The following STX16 variants were observed in gnomAD, a reference collection of about 807,000 sequenced individuals.
STX16 encodes syntaxin 16.
Under a neutral mutation model 42.7 loss-of-function variants are expected in STX16, and 28 were observed. The observed-to-expected ratio is 0.66, with a 90% CI of 0.49 to 0.90. The LOEUF (loss-of-function observed/expected upper bound fraction) is 0.90. STX16 is among the 40% of genes least tolerant of loss of function. The pLI, the probability that STX16 is intolerant of heterozygous loss-of-function variation, is 0.00. For missense variants in STX16, 361 were observed against 420.9 expected (o/e 0.86, Z 1.24); for synonymous variants, 156 against 155.2 (o/e 1.00, Z -0.04).
In STX16 at chr20:58,670,546, T is replaced by A; in HGVS notation, c.591T>A (p.Phe197Leu). 2 of 1,614,184 alleles carry A rather than the reference T, an allele frequency of 1.2e-6. No homozygotes were observed. The highest frequency in any genetic ancestry group is 1.7e-5 in the Admixed American group (1 of 60,026). Reference sequence around the variant, plus strand: ...ATCGAGAGGAAAGATCCCAGCATTTTTTCGACACATCAGTACCACTAATGG... The same window carrying A: ...ATCGAGAGGAAAGATCCCAGCATTTATTCGACACATCAGTACCACTAATGG... ...MKNREERSQH[F>L]FDTSVPLMDD... The change falls in exon 6 of 9, where the codon TTT becomes TTA. Residue 197 changes from phenylalanine to leucine, a missense_variant. By Grantham distance (22) the Phe-to-Leu change is conservative. Coordinates refer to ENST00000371141, the MANE Select transcript of STX16 (RefSeq NM_001001433.3).
intron 2 of STX16, among the ~76,000 whole-genome samples, chr20:58,664,582 C>T (rs2083772374): frequency 6.6e-6 from 1 of 152,194 alleles, no homozygotes; most frequent in South Asian, 2.1e-4. Flanking sequence ...GGACCCTTAA[C>T]AAAGAGTGTG....
rs376636519 is a variant in STX16, at chr20:58,667,546, G to A, written c.201G>A (p.Ala67=). The change falls in exon 3 of 9, where the codon GCG becomes GCA. Residue 67 remains alanine (A), a synonymous_variant. Coordinates refer to ENST00000371141, the MANE Select transcript of STX16 (RefSeq NM_001001433.3). Reference sequence around the variant, plus strand: ...GCATCAGCTTAGATCCAGAAGCAGCGATTGGTGTGACAAAACGGCCACCTC... The same window carrying A: ...GCATCAGCTTAGATCCAGAAGCAGCAATTGGTGTGACAAAACGGCCACCTC... ...VSGISLDPEA[A]IGVTKRPPPK... 78 of 1,614,040 alleles carry A rather than the reference G, an allele frequency of 4.8e-5. 1 individual carries two copies. Among genetic ancestry groups the A allele is most frequent in the Non-Finnish European group, 5.8e-5 (69 of 1,180,056 alleles).
At chr20:58,674,338 T>C (rs1293272384) in intron 8 of STX16, among the ~76,000 whole-genome samples, 2 of 152,222 alleles carry the variant, frequency 1.3e-5, no homozygotes, top group Non-Finnish European at 2.9e-5. Flanking sequence ...AGGAATCTTA[T>C]CGGTTATAAG....
rs752434189 is a variant in STX16 at position 58,671,426 on chromosome 20, ATGTGTGTGTGGG to A, written c.792+140_792+151del. 5,315 of 475,562 alleles carry A rather than the reference ATGTGTGTGTGGG, an allele frequency of 0.011. 139 individuals carry two copies. Among genetic ancestry groups the A allele is most frequent in the African/African-American group, 0.059 (1,731 of 29,298 alleles). 29.5% of individuals were successfully genotyped at this position (475,562 alleles called of 1,614,324 possible). ...CAACATGTGTGTGCACCTGTCCTTTATGTGTGTGTGGGTGTGTGTGTGTGTGTGTGTGTGTGT... is the reference window on the plus strand; with the variant it reads ...CAACATGTGTGTGCACCTGTCCTTTATGTGTGTGTGTGTGTGTGTGTGTGT... On this transcript the variant is annotated intron_variant, in intron 7 of 8. Transcript: ENST00000371141.
rs767040726 is a variant in STX16 at position 58,670,530 on chromosome 20, A to G, written c.575A>G (p.Glu192Gly). ...GYLKRMKNRE[E>G]RSQHFFDTSV... is the part of the protein sequence containing the mutation. ...GTGATAGGCATGAAGAATCGAGAGG[A>G]AAGATCCCAGCATTTTTTCGACACA... The change falls in exon 6 of 9, where the codon GAA (glutamate) becomes GGA (glycine). Residue 192 changes from glutamate (E) to glycine (G), a missense_variant. Glu to Gly is a moderately conservative substitution (Grantham distance 98). Coordinates refer to ENST00000371141, the MANE Select transcript of STX16 (RefSeq NM_001001433.3). 4 of 1,613,950 alleles carry G rather than the reference A, an allele frequency of 2.5e-6. No homozygotes were observed. The highest frequency in any genetic ancestry group is 3.4e-6 in the Non-Finnish European group (4 of 1,179,936).
chr20:58,666,374 T>A (rs1470465156), intron 2 of STX16, among the ~76,000 whole-genome samples: 1 of 151,898 alleles, frequency 6.6e-6, no homozygotes, highest in Non-Finnish European at 1.5e-5. Context: ...AGAAAACAGC[T>A]TAACCGTGCC....
Position 58,651,967 on chromosome 20 carries a change from G to A in STX16, c.-40G>A. 6.2e-7 allele frequency: 1 copy of A among 1,608,576 alleles called. No homozygotes were observed. Among genetic ancestry groups the A allele is most frequent in the Non-Finnish European group, 8.5e-7 (1 of 1,175,350 alleles). ...AGTGAATAAATCAGGAATATAAGTG[G>A]GCGGGGGGCCCCTGAGAGGGGGGTC... On this transcript the variant is annotated 5_prime_UTR_variant, in exon 1 of 9. Transcript: ENST00000371141.
rs533175021 is a variant in STX16 at position 58,651,824 on chromosome 20, T to A, written c.-183T>A. The A allele has an allele frequency of 7.4e-5, 45 of 604,716 alleles. No homozygotes were observed. In the African/African-American group the frequency reaches 8.1e-4, roughly 11 times the overall value. The allele number at this position is 604,716 out of a possible 1,614,324, so 37.5% of individuals were successfully genotyped here. A position where few individuals can be genotyped will look rare whatever the true frequency, so the allele number is the denominator to read the frequency against. On this transcript the variant is annotated 5_prime_UTR_variant, in exon 1 of 9. In the 5' UTR this introduces an upstream ATG that the reference lacks. Transcript: ENST00000371141. ...ACAATTGGAAAGCCTAGGTAGTTAT[T>A]TGGGGAGGGGTCTCTACGCCTTGGC... is the stretch of plus-strand genomic sequence containing the variant.
chr20:58,674,247 T>C (rs1463219139), intron 8 of STX16, among the ~76,000 whole-genome samples: 1 of 152,190 alleles, frequency 6.6e-6, no homozygotes, highest in Non-Finnish European at 1.5e-5. Context: ...TAGTAATTCT[T>C]TTATTCTGTG....
At chr20:58,670,943 G>A (rs1292381607) in intron 6 of STX16, among the ~76,000 whole-genome samples, 1 of 152,168 alleles carries the variant, frequency 6.6e-6, no homozygotes, top group African/African-American at 2.4e-5. Flanking sequence ...TCCCTGCTAT[G>A]GCCTCAGAGC....
intron 8 of STX16, among the ~76,000 whole-genome samples, chr20:58,674,426 CAAATT>C (rs1431571890): frequency 6.6e-6 from 1 of 152,182 alleles, no homozygotes; most frequent in Non-Finnish European, 1.5e-5. Context: ...CAATACTTCA[CAAATT>C]AAATAATATC....
At chr20:58,668,241 T>G in intron 4 of STX16, 114 bp downstream of exon 4, 2 of 1,390,838 alleles carry the variant, frequency 1.4e-6, no homozygotes, top group Non-Finnish European at 9.7e-7. Flanking sequence ...CCTGAAGTTC[T>G]CAGAGGGACC....
Position 58,676,366 on chromosome 20 carries a change from C to A in STX16, c.*75C>A. 7.4e-7 allele frequency: 1 copy of A among 1,356,168 alleles called. No homozygotes were observed. The highest frequency in any genetic ancestry group is 1.1e-6 in the Non-Finnish European group (1 of 947,760). 84.0% of individuals were successfully genotyped at this position (1,356,168 alleles called of 1,614,324 possible). A position where few individuals can be genotyped will look rare whatever the true frequency, so the allele number is the denominator to read the frequency against. On this transcript the variant is annotated 3_prime_UTR_variant, in exon 9 of 9. Transcript: ENST00000371141. ...AGGGGCTTGGCCTGCGCCCCGCCAG[C>A]TGCCCGCAGAGGTGCAGCCTCGAGG... is the stretch of plus-strand genomic sequence containing the variant.
At position 58,668,336 on chromosome 20, in the gene STX16, A is replaced by G. The variant is rs1251734291; in HGVS notation, c.393+209A>G. ...TGGGGACTGTTTTTCAATTGTTGGCAGATAACTGCTGTGGACGGATTAAGT... is the reference window on the plus strand; with the variant it reads ...TGGGGACTGTTTTTCAATTGTTGGCGGATAACTGCTGTGGACGGATTAAGT... On this transcript the variant is annotated intron_variant, in intron 4 of 8. Coordinates refer to ENST00000371141, the MANE Select transcript of STX16 (RefSeq NM_001001433.3). Among the ~76,000 whole-genome samples the G allele has an allele frequency of 2.0e-5, 3 of 152,246 alleles. No individual in the cohort carries two copies. In the East Asian group the frequency reaches 5.8e-4, roughly 29 times the overall value.
At chr20:58,666,044 T>A (rs750403246) in intron 2 of STX16, among the ~76,000 whole-genome samples, 4 of 152,250 alleles carry the variant, frequency 2.6e-5, no homozygotes, top group Non-Finnish European at 5.9e-5. Flanking sequence ...TTTCTTTATA[T>A]GATATTTTTC....
intron 8 of STX16, among the ~76,000 whole-genome samples, chr20:58,675,157 C>G (rs1028066169): frequency 2.6e-4 from 40 of 152,092 alleles, no homozygotes; most frequent in Admixed American, 2.6e-3. Context: ...TCCCCATGAC[C>G]GGACTCTCGG....
At chr20:58,665,277 C>G (rs950579447) in intron 2 of STX16, among the ~76,000 whole-genome samples, 4 of 152,248 alleles carry the variant, frequency 2.6e-5, no homozygotes, top group Non-Finnish European at 4.4e-5. Context: ...ACTAACGTCA[C>G]TCACTGGCGG....
Position 58,677,215 on chromosome 20 carries a change from A to C in STX16, c.*924A>C, listed in dbSNP as rs1197294574. ...CTACATAATGACCTGTTCAAACCAG[A>C]CTCTATTTAATGAACTGTGAATTTA... On this transcript the variant is annotated 3_prime_UTR_variant, in exon 9 of 9. Transcript: ENST00000371141. 6.6e-6 allele frequency: 1 copy of C among 152,570 alleles called. No homozygotes were observed. Among genetic ancestry groups the C allele is most frequent in the Non-Finnish European group, 1.5e-5 (1 of 68,024 alleles). The allele number at this position is 152,570 out of a possible 1,614,324, so 9.5% of individuals were successfully genotyped here. A position where few individuals can be genotyped will look rare whatever the true frequency, so the allele number is the denominator to read the frequency against.
intron 1 of STX16, 26 bp downstream of exon 1, chr20:58,652,164 C>A: frequency 6.2e-7 from 1 of 1,612,402 alleles, no homozygotes; most frequent in Non-Finnish European, 8.5e-7. Flanking sequence ...GCCTCTCCGA[C>A]ACACGGACCG....
Sources: allele counts gnomAD v4.1 joint callset (sites outside exome capture counted in the v4.1 genomes callset), GRCh38; gene constraint gnomAD v4.1.1; transcripts MANE v1.5; gene names NCBI Gene and HGNC (gene_info 2026-07-23, HGNC 2026-07-21).